The following CYSLTR1 variants were observed in gnomAD, a reference collection of about 807,000 sequenced individuals.
CYSLTR1 encodes the protein G-protein coupled receptor HG55.
In CYSLTR1, 1 loss-of-function variant was observed where a neutral mutation model predicts 2.1. The ratio of observed to expected loss-of-function variants is 0.48; its 90% CI spans 0.17 to 2.28. The LOEUF is 2.28. CYSLTR1 is among the 30% of genes most tolerant of loss of function. The pLI is 0.26. For missense variants in CYSLTR1, 299 were observed against 250.1 expected (o/e 1.20, Z -1.32); for synonymous variants, 110 against 89.6 (o/e 1.23, Z -1.28).
Position 78,273,235 on chromosome X carries a change from G to C in CYSLTR1, c.512C>G (p.Thr171Ser), listed in dbSNP as rs1352957180. 4 of 1,208,586 alleles carry C rather than the reference G, an allele frequency of 3.3e-6. No homozygotes were observed. The highest frequency in any genetic ancestry group is 4.5e-6 in the Non-Finnish European group (4 of 894,756). ...GTCTTGTGGGGGCTCAAAGCACTTG[G>C]TATTATTTTTCTCATCTTTTTGTGG... ...AKPQKDEKNN[T>S]KCFEPPQDNQ... The change falls in exon 3 of 3, where the codon ACC becomes AGC. Residue 171 changes from threonine (T) to serine (S), a missense_variant. Physicochemically the swap from Thr to Ser is moderately conservative, Grantham distance 58. Coordinates refer to ENST00000373304, the MANE Select transcript of CYSLTR1 (RefSeq NM_006639.4).
chrX:78,324,652 C>T (rs757610294), intron 1 of CYSLTR1, among the ~76,000 whole-genome samples: 10 of 112,157 alleles, frequency 8.9e-5, no homozygotes, highest in Non-Finnish European at 1.7e-4. Flanking sequence ...AGGCATGAGC[C>T]ACCACACCCA....
intron 1 of CYSLTR1, among the ~76,000 whole-genome samples, chrX:78,298,104 A>C (rs1436860011): frequency 9.0e-6 from 1 of 110,997 alleles, no homozygotes; most frequent in Non-Finnish European, 1.9e-5. Context: ...AAATTTTTTC[A>C]ATTTCCTTCT....
intron 1 of CYSLTR1, among the ~76,000 whole-genome samples, chrX:78,286,113 G>A (rs755376081): frequency 1.8e-5 from 2 of 110,984 alleles, no homozygotes; most frequent in South Asian, 7.7e-4. Context: ...CTATAACCTG[G>A]TCAAGCTCTA....
At chrX:78,293,233 A>G (rs780510052) in intron 1 of CYSLTR1, among the ~76,000 whole-genome samples, 29 of 109,848 alleles carry the variant, frequency 2.6e-4, no homozygotes, top group African/African-American at 8.9e-4. Flanking sequence ...TCCTTTACTT[A>G]TGAAGCTTAG....
chrX:78,274,835 A>G (rs1473927690), intron 2 of CYSLTR1, among the ~76,000 whole-genome samples: 2 of 111,730 alleles, frequency 1.8e-5, no homozygotes, highest in Non-Finnish European at 3.8e-5. Context: ...CTCATCTGAC[A>G]AAGGGCTAAT....
chrX:78,301,414 T>G (rs1922816940), intron 1 of CYSLTR1, among the ~76,000 whole-genome samples: 1 of 112,202 alleles, frequency 8.9e-6, no homozygotes, highest in Non-Finnish European at 1.9e-5. Context: ...GCTTTGCTGC[T>G]TAGAAATTTC....
At chrX:78,289,941 C>T (rs1282066729) in intron 1 of CYSLTR1, among the ~76,000 whole-genome samples, 7 of 111,373 alleles carry the variant, frequency 6.3e-5, no homozygotes, top group East Asian at 2.8e-4. Context: ...GTAGTTTCTT[C>T]TGCTGTGCAG....
At chrX:78,292,297 C>T (rs1167361417) in intron 1 of CYSLTR1, among the ~76,000 whole-genome samples, 1 of 112,012 alleles carries the variant, frequency 8.9e-6, no homozygotes, top group Non-Finnish European at 1.9e-5. Context: ...GTTTCTTAAT[C>T]CTGAGTTCTA....
chrX:78,293,122 T>C (rs1004305385), intron 1 of CYSLTR1, among the ~76,000 whole-genome samples: 3 of 111,301 alleles, frequency 2.7e-5, no homozygotes, highest in Non-Finnish European at 5.7e-5. Context: ...GTACTGGTTG[T>C]TCCTTTCCAT....
chrX:78,291,295 C>T (rs1922314013), intron 1 of CYSLTR1, among the ~76,000 whole-genome samples: 1 of 111,894 alleles, frequency 8.9e-6, no homozygotes. Context: ...CCTTGCATCC[C>T]AGGGATGAAG....
At chrX:78,306,374 G>T (rs753900792) in intron 1 of CYSLTR1, among the ~76,000 whole-genome samples, 1 of 110,790 alleles carries the variant, frequency 9.0e-6, no homozygotes, top group South Asian at 3.9e-4. Flanking sequence ...ATGTTGGCAA[G>T]GTTGGTCTCG....
intron 1 of CYSLTR1, among the ~76,000 whole-genome samples, chrX:78,298,756 T>C (rs766336324): frequency 1.8e-5 from 2 of 111,646 alleles, no homozygotes; most frequent in South Asian, 7.4e-4. Context: ...TTTCTGTCTA[T>C]GTGTGCCTTT....
At chrX:78,307,771 T>G (rs1208044830) in intron 1 of CYSLTR1, among the ~76,000 whole-genome samples, 1 of 110,639 alleles carries the variant, frequency 9.0e-6, no homozygotes, top group Admixed American at 9.6e-5. Context: ...TCCCTAAGAG[T>G]GGCAGCAGCA....
intron 2 of CYSLTR1, among the ~76,000 whole-genome samples, chrX:78,282,127 T>A (rs1258228571): frequency 8.9e-6 from 1 of 112,117 alleles, no homozygotes; most frequent in African/African-American, 3.2e-5. Flanking sequence ...CTTCTTGAAA[T>A]GGCCTTTCCT....
In CYSLTR1 at chrX:78,272,459, A is replaced by G. The variant is rs1172187375; in HGVS notation, c.*274T>C. ...AGAGGAAAACTTTAATATAAGACAT[A>G]TTTTATAGTGCAAAGATAAAAATAT... On this transcript the variant is annotated 3_prime_UTR_variant, in exon 3 of 3. Coordinates refer to ENST00000373304, the MANE Select transcript of CYSLTR1 (RefSeq NM_006639.4). 1 of 202,255 alleles carries G rather than the reference A, an allele frequency of 4.9e-6. No homozygotes were observed. The highest frequency in any genetic ancestry group is 8.8e-6 in the Non-Finnish European group (1 of 112,996). The allele number at this position is 202,255 out of a possible 1,213,427, so 16.7% of individuals were successfully genotyped here. A position where few individuals can be genotyped will look rare whatever the true frequency, so the allele number is the denominator to read the frequency against.
chrX:78,305,494 T>C (rs776067604), intron 1 of CYSLTR1, among the ~76,000 whole-genome samples: 47 of 99,097 alleles, frequency 4.7e-4, no homozygotes, highest in African/African-American at 1.8e-3. Context: ...CTTGAGTACC[T>C]TCCAAGATAT....
At chrX:78,284,301 A>G in intron 1 of CYSLTR1, among the ~76,000 whole-genome samples, 1 of 112,321 alleles carries the variant, frequency 8.9e-6, no homozygotes, top group African/African-American at 3.2e-5. Flanking sequence ...TCCTGCCTGC[A>G]AGGCCTCCAG....
intron 2 of CYSLTR1, 130 bp downstream of exon 2, chrX:78,283,324 G>A (rs934835354): frequency 7.1e-5 from 8 of 111,936 alleles, no homozygotes; most frequent in Admixed American, 1.9e-4. Context: ...GAAAACAAAT[G>A]GGTTAATAAA....
intron 1 of CYSLTR1, among the ~76,000 whole-genome samples, chrX:78,321,910 G>C (rs1380476247): frequency 9.0e-6 from 1 of 111,263 alleles, no homozygotes; most frequent in African/African-American, 3.3e-5. Context: ...TTATACGCCT[G>C]CCAAGATTTC....
Sources: gnomAD v4.1 joint callset for allele counts (sites outside exome capture counted in the v4.1 genomes callset) on GRCh38, gnomAD v4.1.1 for gene constraint, MANE v1.5 for transcripts, NCBI Gene and HGNC (gene_info 2026-07-23, HGNC 2026-07-21) for gene names.